The following TSHZ2 variants were observed in gnomAD, a reference collection of about 807,000 sequenced individuals.
The protein encoded by TSHZ2 is teashirt zinc finger homeobox 2.
Under a neutral mutation model 74.4 loss-of-function variants are expected in TSHZ2, and 21 were observed. The observed-to-expected ratio is 0.28, with a 90% CI of 0.20 to 0.41. TSHZ2 has a LOEUF of 0.41. Ranked by LOEUF, TSHZ2 falls within the 10% of genes least tolerant of loss-of-function variation. The pLI is 1.00. For missense variants in TSHZ2, 1,244 were observed against 1,293.5 expected (o/e 0.96, Z 0.59); for synonymous variants, 540 against 515.3 (o/e 1.05, Z -0.65).
At chr20:53,142,100 T>A (rs1273408874) in intron 1 of TSHZ2, among the ~76,000 whole-genome samples, 1 of 152,176 alleles carries the variant, frequency 6.6e-6, no homozygotes, top group African/African-American at 2.4e-5. Flanking sequence ...TTTTTGTTGT[T>A]GCCCATGACA....
Position 53,287,369 on chromosome 20 carries a change from G to T in TSHZ2, c.*8+30798G>T, listed in dbSNP as rs113860804. Among the ~76,000 whole-genome samples, 577 of 152,242 alleles carry T rather than the reference G, an allele frequency of 3.8e-3. 4 individuals carry two copies. Among genetic ancestry groups the T allele is most frequent in the African/African-American group, 0.013 (556 of 41,530 alleles). ...TGTGTTTATCAGAACTCATCTCCAG[G>T]GTCTGGTCCACAAGGGGTGGGCATT... On this transcript the variant is annotated intron_variant, in intron 2 of 2. Coordinates refer to ENST00000371497, the MANE Select transcript of TSHZ2 (RefSeq NM_173485.6).
At chr20:53,082,851 A>G (rs1222273281) in intron 1 of TSHZ2, among the ~76,000 whole-genome samples, 2 of 152,266 alleles carry the variant, frequency 1.3e-5, no homozygotes, top group Admixed American at 6.5e-5. Flanking sequence ...GAAACTGTCC[A>G]TGCCAAATCT....
rs145356694 is a variant in TSHZ2 at position 53,429,821 on chromosome 20, T to TTGTGTGTGTGTG, written c.*9-57319_*9-57308dup. On this transcript the variant is annotated intron_variant, in intron 2 of 2. Coordinates refer to ENST00000371497, the MANE Select transcript of TSHZ2 (RefSeq NM_173485.6). ...TGTATTTATTTTAAAGCATATTCAA[T>TTGTGTGTGTGTG]TGTGTGTGTGTGTGTCAGGGTGTCA... 1.1e-3 allele frequency among the ~76,000 whole-genome samples: 173 copies of TTGTGTGTGTGTG among 151,622 alleles called. 1 individual carries two copies. The highest frequency in any genetic ancestry group is 4.0e-3 in the African/African-American group (165 of 41,264).
chr20:53,070,502 C>T (rs1363445340), intron 1 of TSHZ2, among the ~76,000 whole-genome samples: 1 of 152,196 alleles, frequency 6.6e-6, no homozygotes, highest in Non-Finnish European at 1.5e-5. Context: ...CTGTGACCCT[C>T]TAAAAATGTA....
At chr20:53,451,641 T>A (rs1180761677) in intron 2 of TSHZ2, among the ~76,000 whole-genome samples, 1 of 152,240 alleles carries the variant, frequency 6.6e-6, no homozygotes, top group Non-Finnish European at 1.5e-5. Context: ...TGACACTGTC[T>A]CTCTTCTCCA....
intron 2 of TSHZ2, among the ~76,000 whole-genome samples, chr20:53,379,514 A>G (rs1981783820): frequency 6.6e-6 from 1 of 152,224 alleles, no homozygotes; most frequent in African/African-American, 2.4e-5. Flanking sequence ...TCAAGGATCT[A>G]GTATTTCAGA....
intron 1 of TSHZ2, among the ~76,000 whole-genome samples, chr20:53,204,133 T>TACTATATCATCATATGATGATATG (rs1989085287): frequency 8.8e-5 from 2 of 22,708 alleles, no homozygotes; most frequent in Non-Finnish European, 9.7e-5. Flanking sequence ...GATGATATGA[T>TACTATATCATCATATGATGATATG]ATACTATATC....
At chr20:53,121,255 G>T (rs922009909) in intron 1 of TSHZ2, among the ~76,000 whole-genome samples, 2 of 152,010 alleles carry the variant, frequency 1.3e-5, no homozygotes, top group African/African-American at 4.8e-5. Flanking sequence ...GCCTCAAATT[G>T]TCTTCCTTTA....
intron 2 of TSHZ2, among the ~76,000 whole-genome samples, chr20:53,331,764 C>G (rs1195312795): frequency 6.6e-6 from 1 of 151,824 alleles, no homozygotes; most frequent in Non-Finnish European, 1.5e-5. Flanking sequence ...AGAATGTTTT[C>G]CTGGGTGGAG....
intron 1 of TSHZ2, among the ~76,000 whole-genome samples, chr20:53,050,163 A>ATATG (rs386394005): frequency 1.5e-5 from 2 of 132,228 alleles, no homozygotes; most frequent in Middle Eastern, 3.8e-3. Context: ...ACACATATAT[A>ATATG]TGTACATATA....
chr20:53,258,736 A>G (rs1309638484), intron 2 of TSHZ2, among the ~76,000 whole-genome samples: 1 of 152,194 alleles, frequency 6.6e-6, no homozygotes, highest in African/African-American at 2.4e-5. Context: ...ACTTCTCTGC[A>G]TTTGTACAGG....
intron 2 of TSHZ2, among the ~76,000 whole-genome samples, chr20:53,376,446 C>T (rs1436110660): frequency 6.6e-6 from 1 of 152,218 alleles, no homozygotes; most frequent in African/African-American, 2.4e-5. Context: ...TGTCTGACTT[C>T]TTGGGGCCTC....
chr20:53,472,496 G>A (rs1985841754), intron 2 of TSHZ2, among the ~76,000 whole-genome samples: 1 of 152,014 alleles, frequency 6.6e-6, no homozygotes, highest in Non-Finnish European at 1.5e-5. Flanking sequence ...TTGGGGAAAG[G>A]TTTTATTGAA....
At chr20:53,281,080 C>T (rs1215520552) in intron 2 of TSHZ2, among the ~76,000 whole-genome samples, 1 of 152,152 alleles carries the variant, frequency 6.6e-6, no homozygotes, top group Non-Finnish European at 1.5e-5. Flanking sequence ...AGCCTCTGGC[C>T]TCATGCAGTT....
chr20:53,122,288 C>CG (rs1836578722), intron 1 of TSHZ2, among the ~76,000 whole-genome samples: 1 of 65,670 alleles, frequency 1.5e-5, no homozygotes. Context: ...ACCCCATCTA[C>CG]AAAAAAAAAA....
chr20:53,113,104 A>G (rs1029313810), intron 1 of TSHZ2, among the ~76,000 whole-genome samples: 8 of 152,220 alleles, frequency 5.3e-5, no homozygotes, highest in African/African-American at 1.9e-4. Context: ...CCTCTTTGCC[A>G]TGGAGGCGGA....
chr20:53,331,715 A>G (rs2145548924), intron 2 of TSHZ2, among the ~76,000 whole-genome samples: 1 of 139,804 alleles, frequency 7.2e-6, no homozygotes, highest in East Asian at 2.0e-4. Context: ...CTAAGGAGAC[A>G]GATGGCAAAC....
chr20:53,448,599 T>TGATGTTGA (rs1257711048), intron 2 of TSHZ2, among the ~76,000 whole-genome samples: 1 of 152,186 alleles, frequency 6.6e-6, no homozygotes, highest in Non-Finnish European at 1.5e-5. Flanking sequence ...AGGAGTTTCT[T>TGATGTTGA]GATGTTGATT....
chr20:53,327,388 C>A (rs961809728), intron 2 of TSHZ2, among the ~76,000 whole-genome samples: 1 of 152,126 alleles, frequency 6.6e-6, no homozygotes, highest in Non-Finnish European at 1.5e-5. Flanking sequence ...ACTCGGGAGG[C>A]TGAGGCAGGA....
Sources: allele counts gnomAD v4.1 joint callset (sites outside exome capture counted in the v4.1 genomes callset), GRCh38; gene constraint gnomAD v4.1.1; transcripts MANE v1.5; gene names NCBI Gene and HGNC (gene_info 2026-07-23, HGNC 2026-07-21).